ANKRD27: variants seen among roughly 807,000 people sequenced by gnomAD.
ANKRD27 encodes the protein ankyrin repeat domain-containing protein 27.
Under a neutral mutation model 129.7 loss-of-function variants are expected in ANKRD27, and 112 were observed. The observed-to-expected ratio is 0.86, with a 90% CI of 0.74 to 1.01. The LOEUF (loss-of-function observed/expected upper bound fraction) is 1.01. Ranked by LOEUF, ANKRD27 falls within the 50% of genes least tolerant of loss-of-function variation. The pLI is 0.00. For synonymous variants in ANKRD27, 516 were observed against 511.2 expected (o/e 1.01, Z -0.13); for missense variants, 1,258 against 1,300.5 (o/e 0.97, Z 0.50).
intron 15 of ANKRD27, among the ~76,000 whole-genome samples, chr19:32,627,401 TA>T (rs1390652959): frequency 1.4e-4 from 5 of 36,284 alleles, no homozygotes; most frequent in Non-Finnish European, 1.9e-4. Flanking sequence ...TTTATTTATT[TA>T]TTTATTTATT....
intron 4 of ANKRD27, 26 bp from the exon 5 acceptor site, chr19:32,644,505 C>T (rs779602485): frequency 6.2e-7 from 1 of 1,607,016 alleles, no homozygotes; most frequent in Non-Finnish European, 8.5e-7. Flanking sequence ...ACAGGTCAGG[C>T]CGGCTGAAGC....
At chr19:32,628,621 G>A (rs1966933471) in intron 14 of ANKRD27, 101 bp downstream of exon 14, 1 of 1,461,400 alleles carries the variant, frequency 6.8e-7, no homozygotes, top group Non-Finnish European at 9.3e-7. Flanking sequence ...GGGGCAGGGA[G>A]GACAGTCCTT....
At chr19:32,628,561 C>T (rs1299654200) in intron 14 of ANKRD27, among the ~76,000 whole-genome samples, 161 bp downstream of exon 14, 1 of 152,216 alleles carries the variant, frequency 6.6e-6, no homozygotes, top group Admixed American at 6.5e-5. Context: ...CTATCTGATT[C>T]TCCAAAGGGG....
At chr19:32,663,489 T>C (rs1473395623) in intron 1 of ANKRD27, among the ~76,000 whole-genome samples, 1 of 152,258 alleles carries the variant, frequency 6.6e-6, no homozygotes, top group Non-Finnish European at 1.5e-5. Flanking sequence ...CTTCAATCCA[T>C]CTGGATTTTT....
intron 28 of ANKRD27, among the ~76,000 whole-genome samples, chr19:32,598,803 A>AAG (rs1971608232): frequency 6.6e-6 from 1 of 152,216 alleles, no homozygotes; most frequent in Non-Finnish European, 1.5e-5. Context: ...TGGTATCAAA[A>AAG]TTAGTCATGT....
At chr19:32,643,080 C>G in intron 9 of ANKRD27, 43 bp downstream of exon 9, 1 of 1,597,844 alleles carries the variant, frequency 6.3e-7, no homozygotes, top group Non-Finnish European at 8.6e-7. Context: ...AGACAGCACC[C>G]CTGCCTCTGA....
In ANKRD27 at chr19:32,626,782, A is replaced by G. The variant is rs768853068; in HGVS notation, c.1466T>C (p.Val489Ala). 6.2e-7 allele frequency: 1 copy of G among 1,612,500 alleles called. No homozygotes were observed. The highest frequency in any genetic ancestry group is 2.2e-5 in the East Asian group (1 of 44,790). Residue 489 changes from valine to alanine, a missense_variant, in exon 16 of 29, where the codon GTA becomes GCA. Val to Ala is a moderately conservative substitution (Grantham distance 64). Transcript: ENST00000306065. ...IDLLVSKGAM[V>A]NATDYHGATP... ...GGCTCCATGGTAGTCTGTGGCATTTACCATGGCGCCCTTGGAAACCAGGAG... is the reference window on the plus strand; with the variant it reads ...GGCTCCATGGTAGTCTGTGGCATTTGCCATGGCGCCCTTGGAAACCAGGAG...
chr19:32,647,249 G>A (rs937326050), intron 3 of ANKRD27, among the ~76,000 whole-genome samples: 10 of 152,210 alleles, frequency 6.6e-5, no homozygotes, highest in African/African-American at 2.4e-4. Flanking sequence ...GTGTGTTTGG[G>A]AGGGTTTGTC....
chr19:32,658,847 G>T (rs2145318171), intron 2 of ANKRD27, 67 bp downstream of exon 2: 1 of 1,287,074 alleles, frequency 7.8e-7, no homozygotes, highest in Non-Finnish European at 1.1e-6. Flanking sequence ...TCCAAACTGA[G>T]CCTTAGTCTA....
intron 15 of ANKRD27, among the ~76,000 whole-genome samples, chr19:32,627,440 C>A: frequency 6.8e-6 from 1 of 147,650 alleles, no homozygotes; most frequent in Non-Finnish European, 1.5e-5. Flanking sequence ...ACTCAGCCAC[C>A]CAGGCTGGAG....
intron 12 of ANKRD27, 28 bp downstream of exon 12, chr19:32,639,324 AAAGG>A (rs748655679): frequency 6.2e-7 from 1 of 1,613,692 alleles, no homozygotes; most frequent in Non-Finnish European, 8.5e-7. Context: ...TGATGCCCAC[AAAGG>A]AAGGCCAGGG....
At chr19:32,602,629 A>T (rs375368275) in intron 25 of ANKRD27, among the ~76,000 whole-genome samples, 2 of 152,154 alleles carry the variant, frequency 1.3e-5, no homozygotes, top group Admixed American at 6.5e-5. Context: ...GCGATGGCTC[A>T]CGCCTGTAAT....
chr19:32,671,342 T>C (rs1568423685), intron 1 of ANKRD27, among the ~76,000 whole-genome samples: 2 of 151,954 alleles, frequency 1.3e-5, no homozygotes, highest in African/African-American at 2.4e-5. Context: ...CAGAGTTGAA[T>C]TCTTACATAA....
rs1249472356 is a variant in ANKRD27 at position 32,643,144 on chromosome 19, A to G, written c.761T>C (p.Ile254Thr). Residue 254 changes from isoleucine to threonine, a missense_variant, in exon 9 of 29, where the codon ATT becomes ACT. Coordinates refer to ENST00000306065, the MANE Select transcript of ANKRD27 (RefSeq NM_032139.3). ...RSLQDLQQKD[I>T]GVKPEFSFNI... is the part of the protein sequence containing the mutation. ...TTACCTGAACTCCGGTTTCACACCAATATCTTTCTGCTGAAGATCTTGAAG... is the reference window on the plus strand; with the variant it reads ...TTACCTGAACTCCGGTTTCACACCAGTATCTTTCTGCTGAAGATCTTGAAG... 9 of 1,613,762 alleles carry G rather than the reference A, an allele frequency of 5.6e-6. No homozygotes were observed. The highest frequency in any genetic ancestry group is 1.3e-5 in the African/African-American group (1 of 74,872).
At chr19:32,599,863 T>G (rs1395192305) in intron 27 of ANKRD27, 87 bp from the exon 28 acceptor site, 5 of 1,521,198 alleles carry the variant, frequency 3.3e-6, no homozygotes, top group South Asian at 1.1e-5. Context: ...ATTTTTGACA[T>G]TAGTAGGTGC....
At chr19:32,660,475 G>A (rs1394964224) in intron 1 of ANKRD27, among the ~76,000 whole-genome samples, 2 of 152,202 alleles carry the variant, frequency 1.3e-5, no homozygotes, top group South Asian at 2.1e-4. Context: ...CAGAGATCAC[G>A]CCACCGCACT....
intron 25 of ANKRD27, among the ~76,000 whole-genome samples, chr19:32,603,832 C>A (rs1392281280): frequency 1.3e-5 from 2 of 152,182 alleles, no homozygotes; most frequent in African/African-American, 2.4e-5. Flanking sequence ...AGCCACTGTG[C>A]CTGGCCTCAA....
At chr19:32,670,684 A>T (rs1384646098) in intron 1 of ANKRD27, among the ~76,000 whole-genome samples, 1 of 151,648 alleles carries the variant, frequency 6.6e-6, no homozygotes, top group Middle Eastern at 3.4e-3. Flanking sequence ...AATAAAAAAT[A>T]AAAAATGTAA....
chr19:32,604,380 C>T lies in ANKRD27; in HGVS notation c.2538G>A (p.Ala846=), dbSNP rs771964469. The T allele has an allele frequency of 3.7e-6, 6 of 1,613,694 alleles. No homozygotes were observed. The highest frequency in any genetic ancestry group is 1.1e-5 in the South Asian group (1 of 91,032). The change falls in exon 25 of 29, where the codon GCG becomes GCA. Residue 846 remains alanine, a synonymous_variant. Transcript: ENST00000306065. The part of the protein sequence containing the change: ...INASNNKGNT[A]LHEAVIEKHV... ...GCTTTTCAATCACAGCCTCGTGCAG[C>T]GCTGTGTTGCCCTTATTGTTAGAAG... is the stretch of plus-strand genomic sequence containing the variant.
Sources: allele counts gnomAD v4.1 joint callset (sites outside exome capture counted in the v4.1 genomes callset), GRCh38; gene constraint gnomAD v4.1.1; transcripts MANE v1.5; gene names NCBI Gene and HGNC (gene_info 2026-07-23, HGNC 2026-07-21).